The following SENP7 variants were observed in gnomAD, a reference collection of about 807,000 sequenced individuals.
The protein encoded by SENP7 is sentrin-specific protease 7.
Under a neutral mutation model 141.2 loss-of-function variants are expected in SENP7, and 64 were observed. That is an observed-to-expected ratio of 0.45 (90% CI 0.37 to 0.56). The LOEUF (loss-of-function observed/expected upper bound fraction) is 0.56. Ranked by LOEUF, SENP7 falls within the 20% of genes least tolerant of loss-of-function variation. SENP7 has a pLI of 0.00. For synonymous variants in SENP7, 382 were observed against 426.4 expected, an observed-to-expected ratio of 0.90 and a Z score of 1.28; for missense variants, 1,025 against 1,212.2, an observed-to-expected ratio of 0.85 and a Z score of 2.29.
intron 5 of SENP7, among the ~76,000 whole-genome samples, chr3:101,415,037 G>A (rs111871315): frequency 0.047 from 5,085 of 107,864 alleles, no homozygotes; most frequent in East Asian, 0.068. Flanking sequence ...CCAACATCCT[G>A]TTTACCAGAA....
intron 4 of SENP7, among the ~76,000 whole-genome samples, chr3:101,458,341 T>C (rs990709709): frequency 3.9e-5 from 6 of 152,228 alleles, no homozygotes; most frequent in Non-Finnish European, 2.9e-5. Flanking sequence ...TTTCATTCAC[T>C]ATGTTAAAAA....
At chr3:101,432,853 C>T (rs192638568) in intron 4 of SENP7, among the ~76,000 whole-genome samples, 19 of 152,282 alleles carry the variant, frequency 1.2e-4, no homozygotes, top group Admixed American at 5.9e-4. Flanking sequence ...CCTAACTCTT[C>T]AATGCCCAGA....
chr3:101,403,893 C>A (rs1166365206), intron 5 of SENP7, among the ~76,000 whole-genome samples: 1 of 151,904 alleles, frequency 6.6e-6, no homozygotes, highest in African/African-American at 2.4e-5. Flanking sequence ...ATAAGGAGAA[C>A]TATAAAACAT....
At chr3:101,464,710 C>A (rs1237377634) in intron 3 of SENP7, among the ~76,000 whole-genome samples, 6 of 151,998 alleles carry the variant, frequency 3.9e-5, no homozygotes, top group Admixed American at 3.9e-4. Context: ...ATAAAGTGCA[C>A]AATAAATGTA....
intron 3 of SENP7, among the ~76,000 whole-genome samples, chr3:101,475,324 C>A (rs1430050672): frequency 6.6e-6 from 1 of 152,102 alleles, no homozygotes; most frequent in African/African-American, 2.4e-5. Context: ...CAATGACAGA[C>A]TGGATTAAAA....
In SENP7 at chr3:101,448,371, A is replaced by T. The variant is rs147653374; in HGVS notation, c.284+10584T>A. ...CTGATAAGGGACTTGTACCAAGAAA[A>T]TATTTTTTAACTCTTACAACAAAAA... On this transcript the variant is annotated intron_variant, in intron 4 of 23. Transcript: ENST00000394095. Among the ~76,000 whole-genome samples, 1,065 of 152,330 alleles carry T rather than the reference A, an allele frequency of 7.0e-3. 13 individuals carry two copies. The highest frequency in any genetic ancestry group is 0.024 in the African/African-American group (1,010 of 41,564).
intron 4 of SENP7, among the ~76,000 whole-genome samples, chr3:101,422,187 T>C (rs531018836): frequency 5.3e-5 from 8 of 152,290 alleles, no homozygotes; most frequent in African/African-American, 1.7e-4. Context: ...TATGAGAATC[T>C]AATGCCTGAT....
chr3:101,442,780 A>G (rs554810655), intron 4 of SENP7, among the ~76,000 whole-genome samples: 1 of 152,324 alleles, frequency 6.6e-6, no homozygotes, highest in East Asian at 1.9e-4. Context: ...GAACTTCAAC[A>G]ATAGACTAAG....
At chr3:101,400,991 G>C (rs1234950736) in intron 5 of SENP7, among the ~76,000 whole-genome samples, 2 of 151,940 alleles carry the variant, frequency 1.3e-5, no homozygotes, top group East Asian at 3.9e-4. Flanking sequence ...CGAGCTACTT[G>C]GGAAGCTGAG....
rs375870657 is a variant in SENP7 at position 101,449,953 on chromosome 3, A to G, written c.284+9002T>C. Among the ~76,000 whole-genome samples the G allele has an allele frequency of 9.8e-5, 15 of 152,310 alleles. No individual in the cohort carries two copies. In the East Asian group the frequency reaches 2.5e-3, roughly 25 times the overall value. ...AAGAGTCAAGACCCATCAGTGTGCTATATTCAGGAAACCCATTTCACGTGC... is the reference window on the plus strand; with the variant it reads ...AAGAGTCAAGACCCATCAGTGTGCTGTATTCAGGAAACCCATTTCACGTGC... On this transcript the variant is annotated intron_variant, in intron 4 of 23. Transcript: ENST00000394095.
At chr3:101,385,498 C>A (rs2060627637) in intron 6 of SENP7, among the ~76,000 whole-genome samples, 1 of 152,194 alleles carries the variant, frequency 6.6e-6, no homozygotes, top group African/African-American at 2.4e-5. Flanking sequence ...ATCTGATGGG[C>A]AACTCCACCT....
intron 7 of SENP7, among the ~76,000 whole-genome samples, chr3:101,371,328 CAAGAA>C (rs1438077442): frequency 7.2e-5 from 11 of 151,924 alleles, no homozygotes; most frequent in Admixed American, 7.2e-4. Context: ...AAGAGAAAAG[CAAGAA>C]AGAAAGCAAG....
At chr3:101,414,357 G>A in intron 5 of SENP7, 1 of 805,374 alleles carries the variant, frequency 1.2e-6, no homozygotes, top group South Asian at 1.4e-5. Context: ...AGGCCTCCCT[G>A]CAGCAGGTGC....
At chr3:101,381,967 A>G (rs572317298) in intron 6 of SENP7, among the ~76,000 whole-genome samples, 1 of 152,212 alleles carries the variant, frequency 6.6e-6, no homozygotes, top group Non-Finnish European at 1.5e-5. Context: ...ACTATGACAG[A>G]GCTGGAATAC....
chr3:101,458,806 A>G, intron 4 of SENP7, 149 bp downstream of exon 4: 1 of 546,974 alleles, frequency 1.8e-6, no homozygotes, highest in South Asian at 2.9e-5. Flanking sequence ...ACAGAAAGTT[A>G]GAGACTGAAA....
In SENP7 at chr3:101,413,867, T is replaced by C. The variant is rs189204231; in HGVS notation, c.482+3726A>G. On this transcript the variant is annotated intron_variant, in intron 5 of 23. Coordinates refer to ENST00000394095, the MANE Select transcript of SENP7 (RefSeq NM_020654.5). The stretch of plus-strand genomic sequence containing the variant: ...ATGGAGGAACAGACAGACACAAAGC[T>C]AGAGATAAGCAAAGGCGAGATCATT... Among the ~76,000 whole-genome samples the C allele has an allele frequency of 3.6e-3, 550 of 152,182 alleles. 5 individuals carry two copies. Among genetic ancestry groups the C allele is most frequent in the African/African-American group, 0.013 (528 of 41,528 alleles).
chr3:101,374,476 C>G (rs1264872827), intron 6 of SENP7, among the ~76,000 whole-genome samples: 5 of 152,078 alleles, frequency 3.3e-5, no homozygotes, highest in Admixed American at 2.6e-4. Context: ...AAACTTATGG[C>G]TGGGCATGGT....
chr3:101,464,644 A>T (rs890169895), intron 3 of SENP7, among the ~76,000 whole-genome samples: 1 of 152,112 alleles, frequency 6.6e-6, no homozygotes, highest in Non-Finnish European at 1.5e-5. Context: ...CTGATTCTAC[A>T]TTATGGTAAG....
intron 14 of SENP7, 111 bp from the exon 15 acceptor site, chr3:101,341,890 A>G (rs562338778): frequency 9.3e-7 from 1 of 1,072,870 alleles, no homozygotes; most frequent in South Asian, 2.4e-5. Flanking sequence ...CCTATGAATT[A>G]TATCTATACT....
Sources: allele counts gnomAD v4.1 joint callset (sites outside exome capture counted in the v4.1 genomes callset), GRCh38; gene constraint gnomAD v4.1.1; transcripts MANE v1.5; gene names NCBI Gene and HGNC (gene_info 2026-07-23, HGNC 2026-07-21).